The following TNIK variants were observed in gnomAD, a reference collection of about 807,000 sequenced individuals.
TNIK encodes TRAF2 and NCK interacting kinase.
TNIK carries 49 observed loss-of-function variants against 191.3 expected under a neutral mutation model. The ratio of observed to expected loss-of-function variants is 0.26; its 90% confidence interval spans 0.20 to 0.32. The LOEUF (loss-of-function observed/expected upper bound fraction) is 0.32, where lower values mean the gene tolerates loss of function less well. Among genes scored for constraint, TNIK ranks in the 10% least tolerant of loss-of-function variants. TNIK has a pLI of 1.00. For missense variants in TNIK, 1,155 were observed against 1,702.3 expected (o/e 0.68, Z 5.66); for synonymous variants, 594 against 600.9 (o/e 0.99, Z 0.17).
intron 21 of TNIK, among the ~76,000 whole-genome samples, chr3:171,104,382 A>G (rs527362241): frequency 2.7e-4 from 41 of 151,842 alleles, no homozygotes; most frequent in African/African-American, 9.9e-4. Flanking sequence ...TTGGTAATTT[A>G]TTACTTGGCT....
At chr3:171,453,431 T>C (rs1210349306) in intron 1 of TNIK, among the ~76,000 whole-genome samples, 1 of 151,940 alleles carries the variant, frequency 6.6e-6, no homozygotes, top group African/African-American at 2.4e-5. Context: ...CTACAGAGCA[T>C]CCATGGGGGA....
intron 1 of TNIK, among the ~76,000 whole-genome samples, chr3:171,387,858 G>A (rs1718938968): frequency 6.6e-6 from 1 of 152,090 alleles, no homozygotes; most frequent in Non-Finnish European, 1.5e-5. Flanking sequence ...GGTGGGGATA[G>A]AGTGATTGTA....
chr3:171,090,899 C>T (rs866718129), intron 23 of TNIK, among the ~76,000 whole-genome samples: 1 of 152,164 alleles, frequency 6.6e-6, no homozygotes, highest in Non-Finnish European at 1.5e-5. Flanking sequence ...CACAAGATGA[C>T]AAGTTGGGTG....
intron 5 of TNIK, among the ~76,000 whole-genome samples, chr3:171,193,012 G>T (rs1389864309): frequency 6.6e-6 from 1 of 152,038 alleles, no homozygotes; most frequent in Non-Finnish European, 1.5e-5. Flanking sequence ...TTTGAATATG[G>T]TATGTAGCAG....
chr3:171,087,614 A>G, intron 23 of TNIK, 108 bp from the exon 24 acceptor site: 1 of 1,185,618 alleles, frequency 8.4e-7, no homozygotes, highest in Non-Finnish European at 1.2e-6. Flanking sequence ...TCAACCCACT[A>G]GGGCATGAGA....
At chr3:171,092,723 T>G (rs1722224675) in intron 23 of TNIK, among the ~76,000 whole-genome samples, 2 of 152,266 alleles carry the variant, frequency 1.3e-5, no homozygotes, top group Admixed American at 1.3e-4. Flanking sequence ...ATAGCCCCAC[T>G]GCTAATTATT....
chr3:171,318,865 G>A (rs1216710385), intron 2 of TNIK, among the ~76,000 whole-genome samples: 1 of 152,016 alleles, frequency 6.6e-6, no homozygotes, highest in Non-Finnish European at 1.5e-5. Context: ...CCTAGACTTA[G>A]TATTAAAAAT....
intron 22 of TNIK, among the ~76,000 whole-genome samples, chr3:171,099,588 G>C (rs750880443): frequency 3.9e-5 from 6 of 152,040 alleles, no homozygotes; most frequent in South Asian, 2.1e-4. Flanking sequence ...GTCCAGAAAA[G>C]GAGACAAAGA....
At chr3:171,219,161 CAT>C (rs1484535854) in intron 3 of TNIK, among the ~76,000 whole-genome samples, 3 of 59,510 alleles carry the variant, frequency 5.0e-5, no homozygotes, top group African/African-American at 9.8e-5. Context: ...ATATATAATA[CAT>C]ATTCATATAA....
chr3:171,155,683 G>A (rs945612294), intron 12 of TNIK, among the ~76,000 whole-genome samples: 3 of 152,248 alleles, frequency 2.0e-5, no homozygotes, highest in Non-Finnish European at 4.4e-5. Context: ...AGCTCTGACT[G>A]GGAGCGTGAG....
chr3:171,438,337 T>A (rs1010196857), intron 1 of TNIK, among the ~76,000 whole-genome samples: 3 of 152,176 alleles, frequency 2.0e-5, no homozygotes, highest in African/African-American at 7.2e-5. Flanking sequence ...TTGTTAAGGT[T>A]TGGTTTCCCA....
chr3:171,104,998 GACTATA>G (rs1194229464), intron 21 of TNIK, among the ~76,000 whole-genome samples: 1 of 151,540 alleles, frequency 6.6e-6, no homozygotes, highest in African/African-American at 2.4e-5. Context: ...TATATTCAAA[GACTATA>G]TTAAATAGAC....
chr3:171,459,894 A>C, intron 1 of TNIK, 113 bp downstream of exon 1: 2 of 1,310,830 alleles, frequency 1.5e-6, no homozygotes, highest in Non-Finnish European at 2.1e-6. Context: ...TCCCTCCCCG[A>C]CGCATTCTCC....
At chr3:171,295,292 T>C (rs1235771131) in intron 2 of TNIK, among the ~76,000 whole-genome samples, 1 of 152,162 alleles carries the variant, frequency 6.6e-6, no homozygotes, top group East Asian at 1.9e-4. Flanking sequence ...GAACCATCAT[T>C]TCTCAGAAAA....
intron 21 of TNIK, among the ~76,000 whole-genome samples, chr3:171,105,257 ATGGCCC>A (rs1724594818): frequency 6.6e-6 from 1 of 152,302 alleles, no homozygotes; most frequent in African/African-American, 2.4e-5. Flanking sequence ...TTTCTCAATT[ATGGCCC>A]TGTTGACATT....
intron 2 of TNIK, among the ~76,000 whole-genome samples, chr3:171,308,193 A>T (rs1433243456): frequency 6.6e-6 from 1 of 152,204 alleles, no homozygotes; most frequent in Non-Finnish European, 1.5e-5. Context: ...TGCTATAGTA[A>T]CCAAAACAGC....
chr3:171,183,337 G>A (rs757863830), intron 7 of TNIK, among the ~76,000 whole-genome samples: 5 of 152,206 alleles, frequency 3.3e-5, no homozygotes, highest in Non-Finnish European at 5.9e-5. Context: ...AGAGCAGCAC[G>A]GCAGTCCACA....
intron 2 of TNIK, among the ~76,000 whole-genome samples, chr3:171,250,304 G>A (rs1307189231): frequency 6.6e-6 from 1 of 152,194 alleles, no homozygotes; most frequent in Non-Finnish European, 1.5e-5. Context: ...CTGGGAAAAT[G>A]GTGTTGATGG....
chr3:171,131,742 G>C (rs1729325423), intron 15 of TNIK, among the ~76,000 whole-genome samples: 1 of 152,212 alleles, frequency 6.6e-6, no homozygotes, highest in Non-Finnish European at 1.5e-5. Context: ...CCGCCCAAGT[G>C]TCTTTACACT....
Sources: allele counts gnomAD v4.1 joint callset (sites outside exome capture counted in the v4.1 genomes callset), GRCh38; gene constraint gnomAD v4.1.1; transcripts MANE v1.5; gene names NCBI Gene and HGNC (gene_info 2026-07-23, HGNC 2026-07-21).